ITGA8: variants seen among roughly 807,000 people sequenced by gnomAD.
ITGA8 encodes the protein integrin subunit alpha 8, also known as integrin alpha-8.
A neutral mutation model predicts 142.3 loss-of-function variants in ITGA8; 91 were observed. That is an observed-to-expected ratio of 0.64 (90% CI 0.54 to 0.76). The LOEUF (loss-of-function observed/expected upper bound fraction) is 0.76. Among genes scored for constraint, ITGA8 ranks in the 30% least tolerant of loss-of-function variants. ITGA8 has a pLI of 0.00. For synonymous variants in ITGA8, 505 were observed against 485.2 expected, an observed-to-expected ratio of 1.04 and a Z score of -0.54; for missense variants, 1,406 against 1,327.7, an observed-to-expected ratio of 1.06 and a Z score of -0.92.
intron 27 of ITGA8, among the ~76,000 whole-genome samples, chr10:15,545,987 T>G (rs900389949): frequency 6.6e-6 from 1 of 152,182 alleles, no homozygotes; most frequent in African/African-American, 2.4e-5. Flanking sequence ...ACTGACACAC[T>G]GGTCTCCATT....
chr10:15,702,078 A>G (rs909179390), intron 2 of ITGA8, among the ~76,000 whole-genome samples: 11 of 152,166 alleles, frequency 7.2e-5, no homozygotes, highest in South Asian at 2.1e-4. Context: ...ATGGCTCCCA[A>G]TACTCCAAAA....
Position 15,516,122 on chromosome 10 carries a change from T to C in ITGA8, c.*1036A>G, listed in dbSNP as rs138594979. ...TATCTATAAGAAGTGTTGCTTCTTA[T>C]AGATATTAAAAATAATGTTTACCCA... is the stretch of plus-strand genomic sequence containing the variant. On this transcript the variant is annotated 3_prime_UTR_variant, in exon 30 of 30. Transcript: ENST00000378076. 2 of 152,308 alleles carry C rather than the reference T, an allele frequency of 1.3e-5. No individual in the cohort carries two copies. Among genetic ancestry groups the C allele is most frequent in the East Asian group, 1.9e-4 (1 of 5,186 alleles). The allele number at this position is 152,308 out of a possible 1,614,324, so 9.4% of individuals were successfully genotyped here. A position where few individuals can be genotyped will look rare whatever the true frequency, so the allele number is the denominator to read the frequency against.
intron 12 of ITGA8, 76 bp from the exon 13 acceptor site, chr10:15,644,297 T>C: frequency 1.5e-6 from 2 of 1,363,912 alleles, no homozygotes; most frequent in East Asian, 5.0e-5. Context: ...AGACAGGACC[T>C]TACTCTGTCA....
intron 4 of ITGA8, among the ~76,000 whole-genome samples, chr10:15,682,996 T>C (rs1256224815): frequency 6.6e-6 from 1 of 152,144 alleles, no homozygotes; most frequent in Non-Finnish European, 1.5e-5. Flanking sequence ...TTCCCTACAT[T>C]AATCCTGAAA....
intron 6 of ITGA8, among the ~76,000 whole-genome samples, chr10:15,675,704 T>G: frequency 6.6e-6 from 1 of 152,284 alleles, no homozygotes; most frequent in East Asian, 1.9e-4. Flanking sequence ...ACTTCATAGT[T>G]TGTCACTACA....
In ITGA8 at chr10:15,714,112, C is replaced by T. The variant is rs1190497472; in HGVS notation, c.343+4654G>A. ...AGCACACATCACCTTTTTCCTCAAACATTTTACTTGAGCATTTAAAACAAT... is the reference window on the plus strand; with the variant it reads ...AGCACACATCACCTTTTTCCTCAAATATTTTACTTGAGCATTTAAAACAAT... On this transcript the variant is annotated intron_variant, in intron 2 of 29. Transcript: ENST00000378076. Among the ~76,000 whole-genome samples the T allele has an allele frequency of 2.0e-5, 3 of 152,272 alleles. No individual in the cohort carries two copies. In the East Asian group the frequency reaches 5.8e-4, roughly 29 times the overall value.
At chr10:15,706,655 G>C (rs1171477203) in intron 2 of ITGA8, among the ~76,000 whole-genome samples, 1 of 152,060 alleles carries the variant, frequency 6.6e-6, no homozygotes. Flanking sequence ...GCCCAGACTG[G>C]TCTCAAAGTC....
At chr10:15,610,781 T>G (rs1226990125) in intron 15 of ITGA8, among the ~76,000 whole-genome samples, 1 of 152,202 alleles carries the variant, frequency 6.6e-6, no homozygotes, top group African/African-American at 2.4e-5. Flanking sequence ...CCTATTTCAG[T>G]GATAGCAAAT....
At chr10:15,568,091 T>A (rs1054735948) in intron 25 of ITGA8, among the ~76,000 whole-genome samples, 2 of 152,100 alleles carry the variant, frequency 1.3e-5, no homozygotes, top group Non-Finnish European at 2.9e-5. Flanking sequence ...CTGGCTAATT[T>A]ATTTTTATTT....
intron 13 of ITGA8, among the ~76,000 whole-genome samples, chr10:15,622,393 A>G (rs1205848956): frequency 2.6e-5 from 4 of 152,148 alleles, no homozygotes; most frequent in African/African-American, 4.8e-5. Context: ...TTACTATTTT[A>G]GAATAATTCC....
At chr10:15,579,690 AG>A (rs1834367673) in intron 23 of ITGA8, among the ~76,000 whole-genome samples, 1 of 152,080 alleles carries the variant, frequency 6.6e-6, no homozygotes, top group South Asian at 2.1e-4. Flanking sequence ...CGAGAGAGAT[AG>A]GAGAATGAAA....
chr10:15,705,178 GA>G (rs1368417707), intron 2 of ITGA8, among the ~76,000 whole-genome samples: 2 of 152,098 alleles, frequency 1.3e-5, no homozygotes, highest in African/African-American at 4.8e-5. Flanking sequence ...GCTATAGGCT[GA>G]ACAAAGGCAA....
At chr10:15,618,674 G>A (rs567129070) in intron 13 of ITGA8, among the ~76,000 whole-genome samples, 18 of 152,248 alleles carry the variant, frequency 1.2e-4, no homozygotes, top group African/African-American at 4.3e-4. Context: ...GCAGAGGAAC[G>A]ACAAAAGACT....
intron 13 of ITGA8, among the ~76,000 whole-genome samples, chr10:15,629,052 T>G (rs2100303): frequency 0.92 from 140,024 of 151,662 alleles, 65,605 homozygotes; most frequent in Non-Finnish European, 1. Flanking sequence ...TAGGTACCCC[T>G]ACTCACGGCG....
intron 29 of ITGA8, among the ~76,000 whole-genome samples, chr10:15,518,281 T>C (rs1456877632): frequency 4.6e-5 from 7 of 152,222 alleles, no homozygotes; most frequent in Non-Finnish European, 1.0e-4. Flanking sequence ...CATTGAGTCA[T>C]CTCTCTTTCT....
intron 23 of ITGA8, among the ~76,000 whole-genome samples, chr10:15,578,383 G>A (rs751786421): frequency 2.0e-5 from 3 of 152,114 alleles, no homozygotes; most frequent in African/African-American, 4.8e-5. Flanking sequence ...TGGGATGGAT[G>A]TACCATGATT....
chr10:15,536,280 C>T (rs1270701334), intron 27 of ITGA8, among the ~76,000 whole-genome samples: 1 of 152,056 alleles, frequency 6.6e-6, no homozygotes. Context: ...AGGTTTCTTC[C>T]ACCCTTGTTG....
intron 4 of ITGA8, among the ~76,000 whole-genome samples, chr10:15,680,342 C>T (rs1444260933): frequency 6.6e-6 from 1 of 150,574 alleles, no homozygotes; most frequent in African/African-American, 2.4e-5. Context: ...ATTCTCCTGC[C>T]TCAGCCTCCC....
intron 16 of ITGA8, among the ~76,000 whole-genome samples, 153 bp from the exon 17 acceptor site, chr10:15,607,984 C>T (rs576920196): frequency 2.7e-4 from 41 of 152,258 alleles, no homozygotes; most frequent in African/African-American, 9.6e-4. Context: ...AATTGTATAA[C>T]ATACTCTCCA....
Sources: gnomAD v4.1 joint callset for allele counts (sites outside exome capture counted in the v4.1 genomes callset) on GRCh38, gnomAD v4.1.1 for gene constraint, MANE v1.5 for transcripts, NCBI Gene and HGNC (gene_info 2026-07-23, HGNC 2026-07-21) for gene names.